The following MSN variants were observed in gnomAD, a reference collection of about 807,000 sequenced individuals.
The protein encoded by MSN is moesin, also known as epididymis luminal protein 70.
MSN carries 2 observed loss-of-function variants against 48.0 expected under a neutral mutation model. The observed-to-expected ratio is 0.04, with a 90% CI of 0.02 to 0.13. The LOEUF (loss-of-function observed/expected upper bound fraction) is 0.13. Ranked by LOEUF, MSN falls within the 10% of genes least tolerant of loss-of-function variation. MSN has a pLI of 1.00. For missense variants in MSN, 267 were observed against 470.1 expected (o/e 0.57, Z 3.99); for synonymous variants, 146 against 166.9 (o/e 0.87, Z 0.97).
At chrX:65,724,261 C>T (rs1309622616) in intron 2 of MSN, among the ~76,000 whole-genome samples, 2 of 110,327 alleles carry the variant, frequency 1.8e-5, no homozygotes, top group African/African-American at 6.6e-5. Context: ...TCTCCTGCCT[C>T]AGTCTCCCAA....
intron 1 of MSN, among the ~76,000 whole-genome samples, chrX:65,655,360 C>A (rs1273970580): frequency 8.9e-6 from 1 of 111,793 alleles, no homozygotes; most frequent in Admixed American, 9.5e-5. Flanking sequence ...TGGATTGACA[C>A]TCTGATTACC....
At chrX:65,618,191 G>C (rs2070395051) in intron 1 of MSN, among the ~76,000 whole-genome samples, 1 of 111,796 alleles carries the variant, frequency 8.9e-6, no homozygotes, top group Non-Finnish European at 1.9e-5. Flanking sequence ...CTGTTGATTT[G>C]GGGTGGAGAG....
At chrX:65,622,049 A>T (rs751851332) in intron 1 of MSN, among the ~76,000 whole-genome samples, 2 of 108,695 alleles carry the variant, frequency 1.8e-5, no homozygotes, top group African/African-American at 6.6e-5. Flanking sequence ...AATATATGGG[A>T]TCATGTCATC....
chrX:65,695,462 C>T (rs866656432), intron 1 of MSN, among the ~76,000 whole-genome samples: 4 of 90,575 alleles, frequency 4.4e-5, no homozygotes, highest in East Asian at 7.4e-4. Flanking sequence ...ATCATGAGAT[C>T]GTGCCATTGC....
At chrX:65,617,800 G>A (rs1411254799) in intron 1 of MSN, among the ~76,000 whole-genome samples, 4 of 106,708 alleles carry the variant, frequency 3.7e-5, no homozygotes, top group African/African-American at 1.0e-4. Flanking sequence ...TGTGATGTTA[G>A]GGTGTCAATT....
chrX:65,634,542 G>A (rs994420675), intron 1 of MSN, among the ~76,000 whole-genome samples: 1 of 110,766 alleles, frequency 9.0e-6, no homozygotes, highest in Non-Finnish European at 1.9e-5. Context: ...GAACCCGGGA[G>A]GCAGAGGTTG....
At chrX:65,626,081 A>C (rs2148363046) in intron 1 of MSN, among the ~76,000 whole-genome samples, 1 of 105,542 alleles carries the variant, frequency 9.5e-6, no homozygotes, top group African/African-American at 3.5e-5. Context: ...CAGCCTCCCC[A>C]GTAGCTGGGA....
rs1372720508 is a variant in MSN at position 65,615,702 on chromosome X, T to G, written c.-22+27090T>G. Among the ~76,000 whole-genome samples the G allele has an allele frequency of 1.0e-4, 11 of 108,317 alleles. No individual in the cohort carries two copies. The South Asian group carries it at 2.4e-3, about 24-fold the overall frequency. 94.1% of individuals were successfully genotyped at this position (108,317 alleles called of 115,157 possible). A position where few individuals can be genotyped will look rare whatever the true frequency, so the allele number is the denominator to read the frequency against. ...TTTCTTTTGCTGTGCAGAAGCTCTTTAGTTTAATTAGATCCCATTTGTCAA... is the reference window on the plus strand; with the variant it reads ...TTTCTTTTGCTGTGCAGAAGCTCTTGAGTTTAATTAGATCCCATTTGTCAA... On this transcript the variant is annotated intron_variant, in intron 1 of 3. Transcript: ENST00000609672.
intron 1 of MSN, among the ~76,000 whole-genome samples, chrX:65,615,600 T>C (rs1464070513): frequency 1.9e-5 from 2 of 105,873 alleles, no homozygotes; most frequent in East Asian, 2.9e-4. Flanking sequence ...AGATTCTGGA[T>C]ATTAGCCCTT....
At chrX:65,724,713 G>A (rs2071550774) in intron 2 of MSN, among the ~76,000 whole-genome samples, 1 of 110,669 alleles carries the variant, frequency 9.0e-6, no homozygotes, top group African/African-American at 3.3e-5. Flanking sequence ...TTTTGACAGT[G>A]TCTTGTTCTG....
chrX:65,732,526 C>T (rs2071633223), intron 6 of MSN, among the ~76,000 whole-genome samples: 1 of 111,671 alleles, frequency 9.0e-6, no homozygotes, highest in Non-Finnish European at 1.9e-5. Flanking sequence ...AATTAGTCTC[C>T]TGTGATGGTT....
intron 4 of MSN, among the ~76,000 whole-genome samples, chrX:65,730,777 A>C (rs1183710932): frequency 9.0e-6 from 1 of 111,122 alleles, no homozygotes; most frequent in East Asian, 2.8e-4. Context: ...CCCTACTGTT[A>C]GCCCCTAAAG....
intron 1 of MSN, among the ~76,000 whole-genome samples, chrX:65,685,688 C>T (rs929928406): frequency 4.5e-5 from 5 of 111,890 alleles, no homozygotes; most frequent in African/African-American, 1.3e-4. Context: ...CTCCACCTTC[C>T]AGGTTCAAGC....
intron 1 of MSN, among the ~76,000 whole-genome samples, chrX:65,620,950 G>C (rs1446844749): frequency 1.9e-5 from 2 of 107,940 alleles, no homozygotes; most frequent in African/African-American, 6.8e-5. Flanking sequence ...TTTTGAGGTG[G>C]AGTCTCCCTC....
At chrX:65,648,038 TAGTGGC>T (rs2070707831) in intron 1 of MSN, among the ~76,000 whole-genome samples, 1 of 108,313 alleles carries the variant, frequency 9.2e-6, no homozygotes, top group Non-Finnish European at 1.9e-5. Flanking sequence ...GGGACCAGGG[TAGTGGC>T]AGTGGACATA....
chrX:65,634,928 G>A (rs1397194328), intron 1 of MSN, among the ~76,000 whole-genome samples: 1 of 111,335 alleles, frequency 9.0e-6, no homozygotes, highest in South Asian at 3.8e-4. Flanking sequence ...GACTCCACAG[G>A]GACCACTCCC....
chrX:65,612,063 G>A, intron 1 of MSN, among the ~76,000 whole-genome samples: 1 of 112,012 alleles, frequency 8.9e-6, no homozygotes, highest in East Asian at 2.8e-4. Flanking sequence ...TTGTGCTATG[G>A]TTTGAATGTG....
chrX:65,669,073 C>T (rs960820454), intron 1 of MSN, among the ~76,000 whole-genome samples: 62 of 111,704 alleles, frequency 5.6e-4, no homozygotes, highest in Non-Finnish European at 1.3e-4. Context: ...GTCGTTCTTG[C>T]CTTTCCAGAA....
intron 1 of MSN, among the ~76,000 whole-genome samples, chrX:65,602,073 C>CAG (rs2070240696): frequency 8.9e-6 from 1 of 112,138 alleles, no homozygotes; most frequent in African/African-American, 3.2e-5. Context: ...TCCAAAGACC[C>CAG]AAGTTCTAAA....
Sources: gnomAD v4.1 joint callset for allele counts (sites outside exome capture counted in the v4.1 genomes callset) on GRCh38, gnomAD v4.1.1 for gene constraint, MANE v1.5 for transcripts, NCBI Gene and HGNC (gene_info 2026-07-23, HGNC 2026-07-21) for gene names.